The following CDH11 variants were observed in gnomAD, a reference collection of about 807,000 sequenced individuals.
The protein encoded by CDH11 is cadherin-11.
In CDH11, 11 loss-of-function variants were observed where a neutral mutation model predicts 67.8. That is an observed-to-expected ratio of 0.16 (90% CI 0.10 to 0.27). The LOEUF (loss-of-function observed/expected upper bound fraction) is 0.27. CDH11 is among the 10% of genes least tolerant of loss of function. The pLI is 1.00. For missense variants in CDH11, 847 were observed against 1,031.2 expected, an observed-to-expected ratio of 0.82 and a Z score of 2.45; for synonymous variants, 419 against 400.0, an observed-to-expected ratio of 1.05 and a Z score of -0.57.
At chr16:65,005,071 C>A (rs2073018797) in intron 2 of CDH11, 30 bp from the exon 3 acceptor site, 2 of 1,338,314 alleles carry the variant, frequency 1.5e-6, no homozygotes, top group Non-Finnish European at 1.9e-6. Context: ...GGATTAACTG[C>A]AGGCCAAATC....
intron 2 of CDH11, among the ~76,000 whole-genome samples, chr16:65,044,457 A>AT (rs970861199): frequency 7.3e-5 from 11 of 151,442 alleles, no homozygotes; most frequent in East Asian, 1.9e-4. Context: ...ATAAACTGTA[A>AT]TTTTTTTTTA....
rs899005596 is a variant in CDH11 at position 64,947,009 on chromosome 16, T to C, written c.*594A>G. On this transcript the variant is annotated 3_prime_UTR_variant, in exon 13 of 13. Transcript: ENST00000268603. ...CTCTCACTGAAACAAGACAGTTATA[T>C]CTGGCACGTATTAGTTTAAGATGAA... 3 of 1,016,618 alleles carry C rather than the reference T, an allele frequency of 3.0e-6. No individual in the cohort carries two copies. In the African/African-American group the frequency reaches 5.1e-5, roughly 17 times the overall value. The allele number at this position is 1,016,618 out of a possible 1,614,324, so 63.0% of individuals were successfully genotyped here. A position where few individuals can be genotyped will look rare whatever the true frequency, so the allele number is the denominator to read the frequency against.
intron 1 of CDH11, among the ~76,000 whole-genome samples, chr16:65,114,771 T>C (rs2075214972): frequency 6.6e-6 from 1 of 152,116 alleles, no homozygotes; most frequent in Admixed American, 6.5e-5. Context: ...GCTGTGATTT[T>C]GGGTGAGAAA....
At chr16:65,021,128 A>AAG (rs1374126668) in intron 2 of CDH11, among the ~76,000 whole-genome samples, 4 of 152,164 alleles carry the variant, frequency 2.6e-5, no homozygotes, top group African/African-American at 9.7e-5. Context: ...TGCAAAGAGC[A>AAG]GAGTGCTTCC....
chr16:64,944,309 C>T lies in CDH11; in HGVS notation c.*3294G>A, dbSNP rs1287754265. The stretch of plus-strand genomic sequence containing the variant: ...GGTCAGAGATGACCATGGCCCAGAC[C>T]AGGCTGATGGCAGTGCAAGAGCAGA... On this transcript the variant is annotated 3_prime_UTR_variant, in exon 13 of 13. Transcript: ENST00000268603. 1 of 232,748 alleles carries T rather than the reference C, an allele frequency of 4.3e-6. No individual in the cohort carries two copies. The highest frequency in any genetic ancestry group is 2.2e-5 in the African/African-American group (1 of 45,318). The allele number at this position is 232,748 out of a possible 1,614,324, so 14.4% of individuals were successfully genotyped here. A position where few individuals can be genotyped will look rare whatever the true frequency, so the allele number is the denominator to read the frequency against.
chr16:64,972,304 T>C (rs2072029004), intron 9 of CDH11, among the ~76,000 whole-genome samples: 2 of 152,214 alleles, frequency 1.3e-5, no homozygotes, highest in Non-Finnish European at 2.9e-5. Context: ...CTGCTGACTT[T>C]GATGCTGAGC....
intron 11 of CDH11, among the ~76,000 whole-genome samples, chr16:64,955,419 T>C (rs561729117): frequency 2.6e-5 from 4 of 151,572 alleles, no homozygotes; most frequent in African/African-American, 9.7e-5. Flanking sequence ...GGAGACAGAA[T>C]GAGACTCTGA....
chr16:64,952,445 TTC>T (rs1474175208), intron 11 of CDH11, among the ~76,000 whole-genome samples: 1 of 152,220 alleles, frequency 6.6e-6, no homozygotes, highest in East Asian at 1.9e-4. Flanking sequence ...CATAACTGTG[TTC>T]TGGGAAGGAT....
At chr16:65,039,421 T>A (rs62042239) in intron 2 of CDH11, among the ~76,000 whole-genome samples, 1 of 152,108 alleles carries the variant, frequency 6.6e-6, no homozygotes, top group African/African-American at 2.4e-5. Flanking sequence ...TCTACAACTA[T>A]CTGATCTTTG....
At chr16:65,100,681 T>C (rs2074975514) in intron 1 of CDH11, among the ~76,000 whole-genome samples, 1 of 145,688 alleles carries the variant, frequency 6.9e-6, no homozygotes, top group South Asian at 2.2e-4. Flanking sequence ...GAGGTTACAG[T>C]GAGCTGAGAT....
chr16:64,971,525 G>T, intron 11 of CDH11, 54 bp downstream of exon 11: 2 of 1,016,184 alleles, frequency 2.0e-6, no homozygotes, highest in Non-Finnish European at 3.1e-6. Flanking sequence ...CAATGTAAAC[G>T]CCATTTGTTT....
intron 8 of CDH11, among the ~76,000 whole-genome samples, chr16:64,974,373 T>G (rs574321831): frequency 7.2e-5 from 11 of 152,256 alleles, no homozygotes; most frequent in African/African-American, 2.4e-4. Context: ...TCAGTGATGG[T>G]CAAAAATCAA....
At position 64,950,847 on chromosome 16, in the gene CDH11, T is replaced by A. The variant is rs757203627; in HGVS notation, c.1814A>T (p.Asn605Ile). 7.5e-5 allele frequency: 121 copies of A among 1,614,082 alleles called. No homozygotes were observed. The highest frequency in any genetic ancestry group is 9.4e-5 in the Non-Finnish European group (111 of 1,180,038). ...GGCGTTCAGAATGTAGGCCTCTGCGTTGCAGGAGAGCAGTGCCCCGTTCAC... is the reference window on the plus strand; with the variant it reads ...GGCGTTCAGAATGTAGGCCTCTGCGATGCAGGAGAGCAGTGCCCCGTTCAC... ...CDVNGALLSC[N>I]AEAYILNAGL... Residue 605 changes from asparagine to isoleucine, a missense_variant, in exon 12 of 13, where the codon AAC (asparagine) becomes ATC (isoleucine). Asn to Ile is a moderately radical substitution (Grantham distance 149). Coordinates refer to ENST00000268603, the MANE Select transcript of CDH11 (RefSeq NM_001797.4).
At chr16:65,122,148 G>GGGGGGGGGGGGGGGGGGGT (rs2075346390), upstream of CDH11, 1 of 323,842 alleles carries the variant, frequency 3.1e-6, no homozygotes, top group Non-Finnish European at 5.9e-6. Context: ...GGGGGGGCGG[G>GGGGGGGGGGGGGGGGGGGT]AGGAGGGAGG....
intron 1 of CDH11, among the ~76,000 whole-genome samples, chr16:65,073,330 G>T (rs544650520): frequency 1.1e-4 from 17 of 152,264 alleles, no homozygotes; most frequent in African/African-American, 3.8e-4. Context: ...CTTTCACCCA[G>T]GCTGGAGTAA....
intron 1 of CDH11, among the ~76,000 whole-genome samples, chr16:65,070,961 A>G (rs2074404819): frequency 6.6e-6 from 1 of 152,216 alleles, no homozygotes. Flanking sequence ...AGCAGAGGCA[A>G]GAGCCAAATG....
At chr16:65,010,962 T>C (rs2073165236) in intron 2 of CDH11, among the ~76,000 whole-genome samples, 1 of 125,410 alleles carries the variant, frequency 8.0e-6, no homozygotes, top group Non-Finnish European at 1.8e-5. Context: ...CATATATATA[T>C]ATATGTGTTT....
chr16:64,978,275 A>G (rs796679441), intron 8 of CDH11, among the ~76,000 whole-genome samples: 6 of 152,162 alleles, frequency 3.9e-5, no homozygotes, highest in African/African-American at 1.4e-4. Context: ...TGGGCCATGT[A>G]CTCTGTTTAG....
At chr16:65,101,085 T>C (rs1343301138) in intron 1 of CDH11, among the ~76,000 whole-genome samples, 1 of 152,194 alleles carries the variant, frequency 6.6e-6, no homozygotes, top group Non-Finnish European at 1.5e-5. Flanking sequence ...CTTCCAGGCA[T>C]AGCACCTCAA....
Sources: allele counts gnomAD v4.1 joint callset (sites outside exome capture counted in the v4.1 genomes callset), GRCh38; gene constraint gnomAD v4.1.1; transcripts MANE v1.5; gene names NCBI Gene and HGNC (gene_info 2026-07-23, HGNC 2026-07-21).